The following SHANK1 variants were observed in gnomAD, a reference collection of about 807,000 sequenced individuals.
The protein encoded by SHANK1 is SH3 and multiple ankyrin repeat domains 1, also known as SH3 and multiple ankyrin repeat domains protein 1.
SHANK1 carries 35 observed loss-of-function variants against 165.6 expected under a neutral mutation model. The ratio of observed to expected loss-of-function variants is 0.21; its 90% CI spans 0.16 to 0.28. The LOEUF is 0.28. Among genes scored for constraint, SHANK1 ranks in the 10% least tolerant of loss-of-function variants. SHANK1 has a pLI of 1.00. For missense variants in SHANK1, 2,681 were observed against 3,036.4 expected (o/e 0.88, Z 2.75); for synonymous variants, 1,428 against 1,384.8 (o/e 1.03, Z -0.69).
chr19:50,674,945 C>T (rs536933400), intron 21 of SHANK1, among the ~76,000 whole-genome samples: 1 of 151,812 alleles, frequency 6.6e-6, no homozygotes, highest in East Asian at 1.9e-4. Flanking sequence ...ACCTGTCATC[C>T]CAGCTATACA....
rs1005436203 is a variant in SHANK1, at chr19:50,690,878, C to G, written c.1965-1599G>C. Among the ~76,000 whole-genome samples, 1 of 152,118 alleles carries G rather than the reference C, an allele frequency of 6.6e-6. No individual in the cohort carries two copies. The highest frequency in any genetic ancestry group is 2.4e-5 in the African/African-American group (1 of 41,410). On this transcript the variant is annotated intron_variant, in intron 15 of 23. Transcript: ENST00000293441. This position sits in a 1 kb window ranked among gnomAD's most constrained non-coding sequence, Gnocchi z 4.9. ...TTTAGGTACCACCCCCACAAGCACC[C>G]CTGTATGCTCCCAGGACCCCCATGG...
intron 8 of SHANK1, among the ~76,000 whole-genome samples, chr19:50,707,886 CTTTTCTTTTCTTTTCTTT>C (rs1371903007): frequency 0.026 from 457 of 17,630 alleles, 8 homozygotes; most frequent in South Asian, 0.037. Context: ...TTTTTCTTTT[CTTTTCTTTTCTTTTCTTT>C]TCTTTTCTTT....
chr19:50,688,788 A>G lies in SHANK1; in HGVS notation c.2172+56T>C, dbSNP rs1986443045. ...CAGCCAGATCCTGGTGTGAATCATG[A>G]GGGGGTCTGGGAACTTGTCACAGGG... On this transcript the variant is annotated intron_variant, in intron 17 of 23. Coordinates refer to ENST00000293441, the MANE Select transcript of SHANK1 (RefSeq NM_016148.5). This position sits in a 1 kb window ranked among gnomAD's most constrained non-coding sequence, Gnocchi z 6.7. 2 of 1,560,646 alleles carry G rather than the reference A, an allele frequency of 1.3e-6. No individual in the cohort carries two copies. Among genetic ancestry groups the G allele is most frequent in the South Asian group, 2.4e-5 (2 of 84,498 alleles).
At chr19:50,712,306 G>A (rs183802198) in intron 6 of SHANK1, among the ~76,000 whole-genome samples, 192 bp from the exon 7 acceptor site, 17 of 152,346 alleles carry the variant, frequency 1.1e-4, no homozygotes, top group African/African-American at 2.4e-4. Context: ...CTCTGATTCC[G>A]TGTGAACAAT....
At position 50,666,432 on chromosome 19, in the gene SHANK1, C is replaced by T. The variant is rs1409238599; in HGVS notation, c.5528G>A (p.Gly1843Asp). Residue 1843 changes from glycine to aspartate, a missense_variant, in exon 23 of 24, where the codon GGC becomes GAC. This residue lies in a region of SHANK1 where 1,713 missense variants were observed against 1,630.2 expected (regional missense o/e 1.05). Coordinates refer to ENST00000293441, the MANE Select transcript of SHANK1 (RefSeq NM_016148.5). ...CAGAGGTGGTGGCGGTGGGCCCGGG[C>T]CCTCCTCCCAGGGCAGCAGCTTCCG... ...LPRKLLPWEE[G>D]PGPPPPPLPG... 6 of 1,610,330 alleles carry T rather than the reference C, an allele frequency of 3.7e-6. No individual in the cohort carries two copies. Among genetic ancestry groups the T allele is most frequent in the African/African-American group, 1.3e-5 (1 of 75,052 alleles).
In SHANK1 at chr19:50,703,462, G is replaced by A. The variant is rs565683666; in HGVS notation, c.1553+38C>T. ...CGCCGATCTGGAGAGGGGATTTGACGGGGCTGGGGACTGTGGAGCCAGGGC... is the reference window on the plus strand; with the variant it reads ...CGCCGATCTGGAGAGGGGATTTGACAGGGCTGGGGACTGTGGAGCCAGGGC... On this transcript the variant is annotated intron_variant, in intron 11 of 23. Coordinates refer to ENST00000293441, the MANE Select transcript of SHANK1 (RefSeq NM_016148.5). 376 of 1,496,922 alleles carry A rather than the reference G, an allele frequency of 2.5e-4. 2 individuals carry two copies. In the African/African-American group the frequency reaches 4.7e-3, roughly 19 times the overall value. 92.7% of individuals were successfully genotyped at this position (1,496,922 alleles called of 1,614,324 possible). A position where few individuals can be genotyped will look rare whatever the true frequency, so the allele number is the denominator to read the frequency against.
Position 50,697,104 on chromosome 19 carries a change from G to T in SHANK1, c.1956C>A (p.Gly652=). 1.9e-6 allele frequency: 3 copies of T among 1,613,242 alleles called. No individual in the cohort carries two copies. Among genetic ancestry groups the T allele is most frequent in the Non-Finnish European group, 2.5e-6 (3 of 1,179,696 alleles). Residue 652 remains glycine (G), a synonymous_variant, in exon 15 of 24, where the codon GGC becomes GGA. Transcript: ENST00000293441. The surrounding 1 kb of genome is among the most constrained non-coding windows in gnomAD (Gnocchi z 4.7). The part of the protein sequence containing the change: ...FDAPSLMDGI[G]PGSDYIIKEK... Reference sequence around the variant, plus strand: ...TGCCCCTCGCCTCTCACCTCCCTGGGCCAATCCCATCCATTAAGCTTCCGA... The same window carrying T: ...TGCCCCTCGCCTCTCACCTCCCTGGTCCAATCCCATCCATTAAGCTTCCGA...
chr19:50,665,635 T>C (rs962772454), intron 23 of SHANK1, among the ~76,000 whole-genome samples: 7 of 141,626 alleles, frequency 4.9e-5, no homozygotes, highest in Admixed American at 4.3e-4. Flanking sequence ...GGCGTGCACC[T>C]ATAGTCCCAG....
rs549430068 is a variant in SHANK1, at chr19:50,666,256, C to T, written c.5704G>A (p.Gly1902Arg). The T allele has an allele frequency of 6.8e-6, 11 of 1,610,150 alleles. No homozygotes were observed. The highest frequency in any genetic ancestry group is 6.7e-5 in the East Asian group (3 of 44,736). Residue 1902 changes from glycine (G) to arginine (R), a missense_variant, in exon 23 of 24, where the codon GGA (glycine) becomes AGA (arginine). By Grantham distance (125) the Gly-to-Arg change is moderately radical (BLOSUM62 -2). This residue lies in a region of SHANK1 where 1,713 missense variants were observed against 1,630.2 expected (regional missense o/e 1.05). Transcript: ENST00000293441. Reference protein sequence around the residue: ...PWARGGSGGGGDSHHGGASYV... With the variant: ...PWARGGSGGGRDSHHGGASYV... ...CTGGCTCCCCCGTGGTGGCTGTCTCCGCCTCCCCCACTGCCTCCTCGGGCC... is the reference window on the plus strand; with the variant it reads ...CTGGCTCCCCCGTGGTGGCTGTCTCTGCCTCCCCCACTGCCTCCTCGGGCC...
intron 6 of SHANK1, among the ~76,000 whole-genome samples, chr19:50,712,742 C>T (rs2089022743): frequency 6.6e-6 from 1 of 151,846 alleles, no homozygotes; most frequent in Admixed American, 6.6e-5. Flanking sequence ...CAGTGCCACC[C>T]AACAGAACGT....
intron 21 of SHANK1, among the ~76,000 whole-genome samples, chr19:50,680,323 G>A (rs904594799): frequency 6.6e-6 from 1 of 152,132 alleles, no homozygotes; most frequent in Admixed American, 6.5e-5. Flanking sequence ...GACTCAGAGA[G>A]GGCCTGCGCA....
chr19:50,692,858 TCCC>T (rs1986586272), intron 15 of SHANK1, among the ~76,000 whole-genome samples: 1 of 88,542 alleles, frequency 1.1e-5, no homozygotes, highest in African/African-American at 4.6e-5. Context: ...TATGGAGCCA[TCCC>T]CCCATTTCCC....
At position 50,662,312 on chromosome 19, in the gene SHANK1, C is replaced by G. The variant is rs369631124; in HGVS notation, c.6139G>C (p.Ala2047Pro). The change falls in exon 24 of 24, where the codon GCT (alanine) becomes CCT (proline). Residue 2047 changes from alanine (A) to proline (P), a missense_variant. By Grantham distance (27) the Ala-to-Pro change is conservative. Transcript: ENST00000293441. The surrounding 1 kb of genome is among the most constrained non-coding windows in gnomAD (Gnocchi z 7.7). ...ACAAAGACTGGGGCGAAGGGGTCAG[C>G]CGAGCCTCCTGCCCCTCCAGTTGGG... ...GSPTGGAGGS[A>P]DPFAPVFVPP... 96 of 1,609,186 alleles carry G rather than the reference C, an allele frequency of 6.0e-5. No homozygotes were observed. The African/African-American group carries it at 1.1e-3, about 19-fold the overall frequency.
chr19:50,661,771 C>T lies in SHANK1; in HGVS notation c.*194G>A, dbSNP rs115064999. ...CACACACACACTCTTGTGTCAGCTG[C>T]CCCCCTTCAGTGAGGTGCAAATGTC... On this transcript the variant is annotated 3_prime_UTR_variant, in exon 24 of 24. Transcript: ENST00000293441. The T allele has an allele frequency of 5.2e-3, 3,197 of 609,392 alleles. 80 individuals are homozygous for T. The highest frequency in any genetic ancestry group is 0.052 in the African/African-American group (2,830 of 54,122). 37.7% of individuals were successfully genotyped at this position (609,392 alleles called of 1,614,324 possible). A position where few individuals can be genotyped will look rare whatever the true frequency, so the allele number is the denominator to read the frequency against.
intron 15 of SHANK1, among the ~76,000 whole-genome samples, chr19:50,692,472 T>TACACACAC (rs200717369): frequency 6.9e-6 from 1 of 145,330 alleles, no homozygotes; most frequent in African/African-American, 2.6e-5. Context: ...TATATATATA[T>TACACACAC]ACACACACAC....
intron 21 of SHANK1, among the ~76,000 whole-genome samples, chr19:50,682,125 G>A (rs954872877): frequency 4.6e-5 from 7 of 151,702 alleles, no homozygotes; most frequent in African/African-American, 1.5e-4. Context: ...GCATGATCTC[G>A]GCTCACTGTA....
chr19:50,693,442 C>T lies in SHANK1; in HGVS notation c.1964+3654G>A, dbSNP rs542433750. ...CAGGCTCCCTCTGGCTGACTACCTG[C>T]CCTGCAGGAGCCCACACAATGCTTT... On this transcript the variant is annotated intron_variant, in intron 15 of 23. Transcript: ENST00000293441. 5.7e-3 allele frequency among the ~76,000 whole-genome samples: 870 copies of T among 151,746 alleles called. 9 individuals carry two copies. The highest frequency in any genetic ancestry group is 0.02 in the African/African-American group (819 of 41,294).
At position 50,697,481 on chromosome 19, in the gene SHANK1, A is replaced by C. The variant is rs535484610; in HGVS notation, c.1937+108T>G. Reference sequence around the variant, plus strand: ...TCCCACCCCTGGATCAAACTTGAGAAGGAACAGATTAGAAAGGGGGCTTAG... The same window carrying C: ...TCCCACCCCTGGATCAAACTTGAGACGGAACAGATTAGAAAGGGGGCTTAG... On this transcript the variant is annotated intron_variant, in intron 14 of 23. Transcript: ENST00000293441. The surrounding 1 kb of genome is among the most constrained non-coding windows in gnomAD (Gnocchi z 4.7). The C allele has an allele frequency of 7.0e-5, 67 of 958,060 alleles. No homozygotes were observed. The African/African-American group carries it at 9.3e-4, about 13-fold the overall frequency. The allele number at this position is 958,060 out of a possible 1,614,324, so 59.3% of individuals were successfully genotyped here.
intron 8 of SHANK1, among the ~76,000 whole-genome samples, chr19:50,709,734 A>G (rs769409851): frequency 7.9e-5 from 12 of 152,016 alleles, no homozygotes; most frequent in Non-Finnish European, 1.6e-4. Context: ...ATTTTTTCAT[A>G]GAGACCAGGT....
Sources: allele counts gnomAD v4.1 joint callset (sites outside exome capture counted in the v4.1 genomes callset), GRCh38; gene constraint gnomAD v4.1.1; regional missense constraint gnomAD v4.1.1; non-coding constraint Gnocchi (gnomAD v3.1); transcripts MANE v1.5; gene names NCBI Gene and HGNC (gene_info 2026-07-23, HGNC 2026-07-21).